Variants in CRABP1 observed in about 807,000 individuals in gnomAD.
The protein encoded by CRABP1 is cellular retinoic acid-binding protein 1.
Under a neutral mutation model 16.4 loss-of-function variants are expected in CRABP1, and 9 were observed. The ratio of observed to expected loss-of-function variants is 0.55; its 90% CI spans 0.33 to 0.96. The LOEUF (loss-of-function observed/expected upper bound fraction) is 0.96, where lower values mean the gene tolerates loss of function less well. CRABP1 is among the 40% of genes least tolerant of loss of function. The probability of loss-of-function intolerance (pLI) is 0.03; values close to 1 mark genes in which losing one functional copy is unlikely to be tolerated. For synonymous variants in CRABP1, 72 were observed against 70.4 expected (o/e 1.02, Z -0.11); for missense variants, 157 against 186.0 (o/e 0.84, Z 0.91).
At chr15:78,345,591 C>T (rs893074195) in intron 3 of CRABP1, among the ~76,000 whole-genome samples, 6 of 151,732 alleles carry the variant, frequency 4.0e-5, no homozygotes, top group African/African-American at 1.2e-4. Flanking sequence ...ATTTTATTAA[C>T]CTCTGTAGTA....
chr15:78,346,067 T>C (rs911167175), intron 3 of CRABP1, among the ~76,000 whole-genome samples: 8 of 152,230 alleles, frequency 5.3e-5, no homozygotes, highest in Admixed American at 3.3e-4. Flanking sequence ...TCTCATGTCA[T>C]GAAGCTATTT....
rs1218177744 is a variant in CRABP1 at position 78,347,987 on chromosome 15, G to T, written c.*10G>T. 6.2e-7 allele frequency: 1 copy of T among 1,613,768 alleles called. No homozygotes were observed. Among genetic ancestry groups the T allele is most frequent in the East Asian group, 2.2e-5 (1 of 44,894 alleles). ...TTATGTCCGAGAGTGAAGGCAGCTGGCTTGCTCCTACTTTCAGGAAGGGAT... is the reference window on the plus strand; with the variant it reads ...TTATGTCCGAGAGTGAAGGCAGCTGTCTTGCTCCTACTTTCAGGAAGGGAT... On this transcript the variant is annotated 3_prime_UTR_variant, in exon 4 of 4. Transcript: ENST00000299529.
chr15:78,343,545 C>T lies in CRABP1; in HGVS notation c.296C>T (p.Thr99Ile). ...GAGAACAAGATCCACTGCACGCAAACTCTTCTTGAAGGGGACGGCCCCAAA... is the reference window on the plus strand; with the variant it reads ...GAGAACAAGATCCACTGCACGCAAATTCTTCTTGAAGGGGACGGCCCCAAA... ...ENENKIHCTQ[T>I]LLEGDGPKTY... The change falls in exon 3 of 4, where the codon ACT becomes ATT. Residue 99 changes from threonine (T) to isoleucine (I), a missense_variant. Coordinates refer to ENST00000299529, the MANE Select transcript of CRABP1 (RefSeq NM_004378.3). The T allele has an allele frequency of 6.2e-7, 1 of 1,614,234 alleles. No individual in the cohort carries two copies. The highest frequency in any genetic ancestry group is 8.5e-7 in the Non-Finnish European group (1 of 1,180,044).
intron 3 of CRABP1, 91 bp downstream of exon 3, chr15:78,343,703 T>C (rs1397380726): frequency 1.1e-6 from 1 of 888,418 alleles, no homozygotes; most frequent in Non-Finnish European, 1.8e-6. Context: ...CACTCGGCCG[T>C]TCAGAGAAAG....
intron 3 of CRABP1, among the ~76,000 whole-genome samples, chr15:78,346,996 T>G (rs1281199713): frequency 1.3e-5 from 2 of 150,660 alleles, no homozygotes; most frequent in African/African-American, 2.4e-5. Flanking sequence ...TGTTTTTGTT[T>G]TTTTTTTTTT....
rs12442427 is a variant in CRABP1 at position 78,341,553 on chromosome 15, G to A, written c.249+332G>A. ...CCAAGCGCAGGCGGCGCAGGAGGAG[G>A]AGGAGGTTGCAGGAGCCGCCAGGTT... On this transcript the variant is annotated intron_variant, in intron 2 of 3. Transcript: ENST00000299529. This position sits in a 1 kb window ranked among gnomAD's most constrained non-coding sequence, Gnocchi z 5.3. The A allele has an allele frequency of 4.5e-4, 156 of 344,388 alleles. No individual in the cohort carries two copies. Among genetic ancestry groups the A allele is most frequent in the Non-Finnish European group, 7.2e-4 (127 of 177,376 alleles). 21.3% of individuals were successfully genotyped at this position (344,388 alleles called of 1,614,324 possible). A position where few individuals can be genotyped will look rare whatever the true frequency, so the allele number is the denominator to read the frequency against.
intron 1 of CRABP1, 30 bp downstream of exon 1, chr15:78,340,528 G>A (rs765928145): frequency 5.6e-6 from 9 of 1,595,348 alleles, no homozygotes; most frequent in Non-Finnish European, 7.7e-6. Flanking sequence ...GCGCCCCGAC[G>A]GGGAGATGCG....
rs1425306934 is a variant in CRABP1, at chr15:78,348,025, G to A, written c.*48G>A. On this transcript the variant is annotated 3_prime_UTR_variant, in exon 4 of 4. Coordinates refer to ENST00000299529, the MANE Select transcript of CRABP1 (RefSeq NM_004378.3). ...TTCAGGAAGGGATGCAGGCTCCCCT[G>A]AGGAATATGTCATAGTTCTGAGCTG... 6.3e-7 allele frequency: 1 copy of A among 1,576,226 alleles called. No individual in the cohort carries two copies. Among genetic ancestry groups the A allele is most frequent in the Admixed American group, 1.7e-5 (1 of 58,794 alleles).
In CRABP1 at chr15:78,347,969, C is replaced by T. The variant is rs746495251; in HGVS notation, c.406C>T (p.Arg136Ter). ...CGTGGTCTGCACCAGAATTTATGTC[C>T]GAGAGTGAAGGCAGCTGGCTTGCTC... is the stretch of plus-strand genomic sequence containing the variant. ...DDVVCTRIYV[R>*]E Residue 136 changes from arginine (R) to a stop codon, truncating the protein, a stop_gained, in exon 4 of 4, where the codon CGA (arginine) becomes TGA (stop). Transcript: ENST00000299529. LOFTEE classifies it high-confidence loss of function. 6.8e-6 allele frequency: 11 copies of T among 1,613,968 alleles called. No homozygotes were observed. Among genetic ancestry groups the T allele is most frequent in the Admixed American group, 3.3e-5 (2 of 59,982 alleles).
intron 3 of CRABP1, among the ~76,000 whole-genome samples, chr15:78,344,167 A>G (rs1415770142): frequency 6.6e-6 from 1 of 152,192 alleles, no homozygotes; most frequent in African/African-American, 2.4e-5. Context: ...GAGCCCCTGT[A>G]GAACTAAAAA....
rs74502437 is a variant in CRABP1 at position 78,347,484 on chromosome 15, C to T, written c.364-443C>T. 3.9e-3 allele frequency among the ~76,000 whole-genome samples: 591 copies of T among 152,322 alleles called. 9 individuals are homozygous for T. The highest frequency in any genetic ancestry group is 0.013 in the African/African-American group (560 of 41,576). On this transcript the variant is annotated intron_variant, in intron 3 of 3. Transcript: ENST00000299529. The stretch of plus-strand genomic sequence containing the variant: ...GATGACTGCTTCCTGGAAAGCAGTT[C>T]TATTCCTTCTCCAAAGCAAGGAACA...
At position 78,341,753 on chromosome 15, in the gene CRABP1, T is replaced by G. The variant is rs1191505703; in HGVS notation, c.249+532T>G. ...GGTTCCTTAAAGGAACGGCGGAGTC[T>G]TTCCAAAAGCAAGGCAGGTTCTGGC... On this transcript the variant is annotated intron_variant, in intron 2 of 3. Transcript: ENST00000299529. The surrounding 1 kb of genome is among the most constrained non-coding windows in gnomAD (Gnocchi z 5.3). 5.7e-6 allele frequency: 1 copy of G among 175,142 alleles called. No homozygotes were observed. The highest frequency in any genetic ancestry group is 1.2e-5 in the Non-Finnish European group (1 of 81,278). 10.8% of individuals were successfully genotyped at this position (175,142 alleles called of 1,614,324 possible). A position where few individuals can be genotyped will look rare whatever the true frequency, so the allele number is the denominator to read the frequency against.
intron 2 of CRABP1, among the ~76,000 whole-genome samples, chr15:78,342,160 T>C (rs1019169227): frequency 1.3e-5 from 2 of 152,090 alleles, no homozygotes; most frequent in African/African-American, 4.8e-5. Context: ...CAGGCTGATC[T>C]AGGAGGCAAT....
intron 3 of CRABP1, chr15:78,347,704 A>G (rs1047664267): frequency 1.7e-5 from 8 of 464,066 alleles, no homozygotes; most frequent in Admixed American, 4.3e-5. Context: ...GCAAAGGAAA[A>G]TGGTATATAA....
chr15:78,344,438 C>A (rs4887035), intron 3 of CRABP1, among the ~76,000 whole-genome samples: 96,018 of 151,226 alleles, frequency 0.63, 30,673 homozygotes, highest in Non-Finnish European at 0.68. Flanking sequence ...CCAGCCTGGG[C>A]GACAGAGACT....
In CRABP1 at chr15:78,340,460, G is replaced by T; in HGVS notation, c.32G>T (p.Arg11Leu). 2 of 1,605,982 alleles carry T rather than the reference G, an allele frequency of 1.2e-6. No individual in the cohort carries two copies. The highest frequency in any genetic ancestry group is 1.7e-6 in the Non-Finnish European group (2 of 1,177,666). MPNFAGTWKM[R>L]SSENFDELLK... ...AACTTCGCCGGCACCTGGAAGATGC[G>T]CAGCAGCGAGAATTTCGACGAGCTG... The change falls in exon 1 of 4, where the codon CGC (arginine) becomes CTC (leucine). Residue 11 changes from arginine (R) to leucine (L), a missense_variant. Arg to Leu is a moderately radical substitution (Grantham distance 102). Transcript: ENST00000299529.
chr15:78,344,934 A>AC (rs1567139433), intron 3 of CRABP1, among the ~76,000 whole-genome samples: 1 of 142,024 alleles, frequency 7.0e-6, no homozygotes, highest in African/African-American at 3.1e-5. Context: ...AAAACAAAAA[A>AC]AAAAACAAAA....
At chr15:78,342,603 A>G (rs2050241439) in intron 2 of CRABP1, among the ~76,000 whole-genome samples, 1 of 152,174 alleles carries the variant, frequency 6.6e-6, no homozygotes, top group African/African-American at 2.4e-5. Flanking sequence ...CCCACCTCCA[A>G]AAGCATGAAG....
chr15:78,347,564 A>G lies in CRABP1; in HGVS notation c.364-363A>G, dbSNP rs577219678. On this transcript the variant is annotated intron_variant, in intron 3 of 3. Transcript: ENST00000299529. ...ACCCCAGCTGCCTGAGCTTCTTTCTATCTTGAAGTCATTTGAAAAGAGACA... is the reference window on the plus strand; with the variant it reads ...ACCCCAGCTGCCTGAGCTTCTTTCTGTCTTGAAGTCATTTGAAAAGAGACA... 3.3e-5 allele frequency among the ~76,000 whole-genome samples: 5 copies of G among 152,318 alleles called. No homozygotes were observed. The East Asian group carries it at 7.7e-4, about 23-fold the overall frequency.
Sources: gnomAD v4.1 joint callset for allele counts (sites outside exome capture counted in the v4.1 genomes callset) on GRCh38, gnomAD v4.1.1 for gene constraint, Gnocchi (gnomAD v3.1) non-coding constraint, MANE v1.5 for transcripts, NCBI Gene and HGNC (gene_info 2026-07-23, HGNC 2026-07-21) for gene names.